Variants in PURG observed in about 807,000 individuals in gnomAD.
The protein encoded by PURG is purine rich element binding protein G, also known as purine-rich element-binding protein gamma.
A neutral mutation model predicts 24.3 loss-of-function variants in PURG; 3 were observed. The ratio of observed to expected loss-of-function variants is 0.12; its 90% CI spans 0.06 to 0.32. The LOEUF (loss-of-function observed/expected upper bound fraction) is 0.32. Ranked by LOEUF, PURG falls within the 10% of genes least tolerant of loss-of-function variation. PURG has a pLI of 1.00. For synonymous variants in PURG, 180 were observed against 173.1 expected (o/e 1.04, Z -0.31); for missense variants, 371 against 439.1 (o/e 0.84, Z 1.39).
At chr8:31,015,023 G>A (rs546524991) in intron 1 of PURG, among the ~76,000 whole-genome samples, 4 of 152,170 alleles carry the variant, frequency 2.6e-5, no homozygotes, top group African/African-American at 9.7e-5. Context: ...AACAATACAG[G>A]AGATAAGCTT....
chr8:31,018,971 A>G (rs1250780892), intron 1 of PURG, among the ~76,000 whole-genome samples: 26 of 150,274 alleles, frequency 1.7e-4, no homozygotes. Context: ...ACTAAAGAAT[A>G]GAAAAAATTA....
intron 1 of PURG, among the ~76,000 whole-genome samples, chr8:30,997,515 A>T (rs55833242): frequency 0.37 from 56,029 of 151,558 alleles, 12,759 homozygotes; most frequent in East Asian, 0.7. Context: ...TTCTGTAATC[A>T]TGTAATGATC....
At chr8:31,009,922 C>T (rs867629546) in intron 1 of PURG, among the ~76,000 whole-genome samples, 10 of 151,954 alleles carry the variant, frequency 6.6e-5, no homozygotes, top group Admixed American at 3.3e-4. Context: ...CATAGTGAGA[C>T]CCTGTGTCCA....
intron 1 of PURG, among the ~76,000 whole-genome samples, chr8:31,013,772 T>C (rs779602392): frequency 2.0e-5 from 3 of 152,150 alleles, no homozygotes; most frequent in Non-Finnish European, 2.9e-5. Context: ...AATATTAGTG[T>C]CCAGCTTAGG....
chr8:31,021,691 G>T (rs13278931), intron 1 of PURG, among the ~76,000 whole-genome samples: 78,170 of 151,990 alleles, frequency 0.51, 21,435 homozygotes, highest in African/African-American at 0.72. Context: ...GGGCACAATC[G>T]TTGGCTTTGG....
chr8:31,006,742 C>A (rs1445652624), intron 1 of PURG, among the ~76,000 whole-genome samples: 1 of 152,092 alleles, frequency 6.6e-6, no homozygotes, highest in African/African-American at 2.4e-5. Context: ...GAGCAATTTC[C>A]CTAGTACAAT....
At chr8:31,028,124 G>A (rs1026594773), downstream of PURG, among the ~76,000 whole-genome samples, 1 of 151,788 alleles carries the variant, frequency 6.6e-6, no homozygotes, top group Admixed American at 6.6e-5. Context: ...TCAGGGCACT[G>A]TGGGGAATCT....
chr8:31,030,178 T>C (rs929389933), downstream of PURG, among the ~76,000 whole-genome samples: 7 of 152,148 alleles, frequency 4.6e-5, no homozygotes, highest in South Asian at 2.1e-4. Flanking sequence ...ATCGCTGATA[T>C]AATTTTAAAT....
chr8:31,011,446 A>G (rs1810762053), intron 1 of PURG, among the ~76,000 whole-genome samples: 1 of 152,186 alleles, frequency 6.6e-6, no homozygotes, highest in Admixed American at 6.5e-5. Flanking sequence ...AGACAGAATT[A>G]TTGTTTAAAA....
At chr8:31,002,640 C>T (rs901318932) in intron 1 of PURG, among the ~76,000 whole-genome samples, 2 of 152,076 alleles carry the variant, frequency 1.3e-5, no homozygotes, top group African/African-American at 4.8e-5. Flanking sequence ...CTCACCACCA[C>T]ACCTGGCTAA....
In PURG at chr8:31,031,997, T is replaced by C. The variant is rs1811219137; in HGVS notation, c.786A>G (p.Pro262=). 6.2e-7 allele frequency: 1 copy of C among 1,614,044 alleles called. No individual in the cohort carries two copies. The highest frequency in any genetic ancestry group is 8.5e-7 in the Non-Finnish European group (1 of 1,180,030). The stretch of plus-strand genomic sequence containing the variant: ...TGTCCACTCTGAAAGAAGTCCCCTC[T>C]GGGAGTTCAAGCGGGTCATCGTCTC... The part of the protein sequence containing the change: ...RGGDDDPLEL[P]EGTSFRVDNK... The change falls in exon 2 of 2, where the codon CCA becomes CCG. Residue 262 remains proline (P), a synonymous_variant. Coordinates refer to ENST00000523392, the MANE Select transcript of PURG (RefSeq NM_001323311.2).
At chr8:31,016,929 T>G (rs1001609619) in intron 1 of PURG, among the ~76,000 whole-genome samples, 2 of 152,290 alleles carry the variant, frequency 1.3e-5, no homozygotes, top group Non-Finnish European at 2.9e-5. Flanking sequence ...TCATTCTAGT[T>G]TCTCAGAGGC....
downstream of PURG, among the ~76,000 whole-genome samples, chr8:31,027,020 T>A (rs1173868515): frequency 1.3e-5 from 2 of 151,736 alleles, no homozygotes; most frequent in Non-Finnish European, 3.0e-5. Flanking sequence ...GAAAAACACA[T>A]TTTCCCTGAA....
At chr8:30,996,444 A>T in exon 2 of PURG, 1 of 528,392 alleles carries the variant, frequency 1.9e-6, no homozygotes, top group Non-Finnish European at 3.4e-6. Context: ...ACATAAGATC[A>T]GTTTGGAAAT....
chr8:31,013,342 C>A (rs935232487), intron 1 of PURG, among the ~76,000 whole-genome samples: 7 of 152,118 alleles, frequency 4.6e-5, no homozygotes, highest in Admixed American at 3.9e-4. Flanking sequence ...TACAGTCATT[C>A]TTCATTCTAA....
At chr8:31,030,026 C>T (rs1276919998), downstream of PURG, among the ~76,000 whole-genome samples, 1 of 151,912 alleles carries the variant, frequency 6.6e-6, no homozygotes, top group African/African-American at 2.4e-5. Flanking sequence ...TGCAAACCAA[C>T]ACTAGTATAT....
rs201816816 is a variant in PURG at position 31,032,123 on chromosome 8, C to T, written c.660G>A (p.Gln220=). The T allele has an allele frequency of 1.4e-5, 23 of 1,614,094 alleles. No homozygotes were observed. Among genetic ancestry groups the T allele is most frequent in the Non-Finnish European group, 1.9e-5 (23 of 1,180,046 alleles). ...TTCCTTGTGCTGGGAGGACAATAGT[C>T]TGTTCTTGGCCCAAACTGTGGCCAA... ...GYFGHSLGQE[Q]TIVLPAQGMI... is the part of the protein sequence containing the mutation. The change falls in exon 2 of 2, where the codon CAG becomes CAA. Residue 220 remains glutamine (Q), a synonymous_variant. Transcript: ENST00000523392. This position sits in a 1 kb window ranked among gnomAD's most constrained non-coding sequence, Gnocchi z 5.9.
chr8:31,030,149 A>T (rs1328119374), downstream of PURG, among the ~76,000 whole-genome samples: 1 of 152,052 alleles, frequency 6.6e-6, no homozygotes, highest in African/African-American at 2.4e-5. Flanking sequence ...ATTGGGGGAC[A>T]AAACTCTGGA....
chr8:31,011,533 T>G (rs1364568893), intron 1 of PURG, among the ~76,000 whole-genome samples: 1 of 152,212 alleles, frequency 6.6e-6, no homozygotes, highest in East Asian at 1.9e-4. Flanking sequence ...GATAATCATA[T>G]TTAAAGGATA....
Sources: allele counts gnomAD v4.1 joint callset (sites outside exome capture counted in the v4.1 genomes callset), GRCh38; gene constraint gnomAD v4.1.1; non-coding constraint Gnocchi (gnomAD v3.1); transcripts MANE v1.5; gene names NCBI Gene and HGNC (gene_info 2026-07-23, HGNC 2026-07-21).